The following CCDC158 variants were observed in gnomAD, a reference collection of about 807,000 sequenced individuals.
CCDC158 encodes the protein coiled-coil domain containing 158.
Under a neutral mutation model 138.6 loss-of-function variants are expected in CCDC158, and 116 were observed. The observed-to-expected ratio is 0.84, with a 90% CI of 0.72 to 0.98. CCDC158 has a LOEUF of 0.98. CCDC158 is among the 50% of genes least tolerant of loss of function. The pLI is 0.00. For missense variants in CCDC158, 1,265 were observed against 1,306.1 expected, an observed-to-expected ratio of 0.97 and a Z score of 0.48; for synonymous variants, 436 against 442.4, an observed-to-expected ratio of 0.99 and a Z score of 0.18.
At chr4:76,333,871 A>T in intron 19 of CCDC158, 139 bp downstream of exon 19, 1 of 507,806 alleles carries the variant, frequency 2.0e-6, no homozygotes, top group Non-Finnish European at 3.3e-6. Context: ...CTCCATTTTC[A>T]TATTATTTTC....
At chr4:76,375,467 T>G (rs1579014456) in intron 9 of CCDC158, 2 of 640,636 alleles carry the variant, frequency 3.1e-6, no homozygotes, top group Non-Finnish European at 2.8e-6. Context: ...TATGCAGAGG[T>G]TTGCACAGAA....
chr4:76,327,351 A>T (rs927851439), intron 22 of CCDC158, among the ~76,000 whole-genome samples: 4 of 152,300 alleles, frequency 2.6e-5, no homozygotes, highest in Admixed American at 2.6e-4. Context: ...ATATAGTTAC[A>T]ATTAACAATG....
chr4:76,405,093 G>C (rs1728711012), intron 2 of CCDC158, among the ~76,000 whole-genome samples: 1 of 152,120 alleles, frequency 6.6e-6, no homozygotes, highest in African/African-American at 2.4e-5. Flanking sequence ...ACATACACTA[G>C]TAATACAATA....
chr4:76,320,330 T>C (rs1719882163), intron 24 of CCDC158, among the ~76,000 whole-genome samples: 1 of 152,202 alleles, frequency 6.6e-6, no homozygotes, highest in Non-Finnish European at 1.5e-5. Context: ...TGCCCATGGA[T>C]GGGTAGAATC....
intron 18 of CCDC158, among the ~76,000 whole-genome samples, chr4:76,349,689 C>A (rs1722877018): frequency 6.6e-6 from 1 of 152,042 alleles, no homozygotes; most frequent in Non-Finnish European, 1.5e-5. Flanking sequence ...AATAAATAAA[C>A]AAATAAATAC....
At chr4:76,396,201 C>T (rs2109832014) in intron 4 of CCDC158, 68 bp downstream of exon 4, 7 of 1,117,880 alleles carry the variant, frequency 6.3e-6, no homozygotes, top group South Asian at 4.7e-5. Flanking sequence ...ACTGGCTTTA[C>T]AACTACATAC....
At chr4:76,372,765 T>C (rs1047052106) in intron 9 of CCDC158, among the ~76,000 whole-genome samples, 1 of 152,224 alleles carries the variant, frequency 6.6e-6, no homozygotes, top group Non-Finnish European at 1.5e-5. Context: ...GTGCATTTTA[T>C]TCTGACAAGG....
intron 15 of CCDC158, among the ~76,000 whole-genome samples, chr4:76,354,817 C>T (rs1426200421): frequency 6.6e-6 from 1 of 152,196 alleles, no homozygotes; most frequent in African/African-American, 2.4e-5. Flanking sequence ...TGCATATATA[C>T]TTAAGAAAAC....
In CCDC158 at chr4:76,355,440, G is replaced by GAA; in HGVS notation, c.2174-6_2174-5dup. On this transcript the variant is annotated splice_region_variant and splice_polypyrimidine_tract_variant and intron_variant, in intron 14 of 24. Transcript: ENST00000682701. Reference sequence around the variant, plus strand: ...ATCCCCATTGCCACTTTCATAGCTGGAAAAAAAAAAGAGGCAAACTATGCC... The same window carrying GAA: ...ATCCCCATTGCCACTTTCATAGCTGGAAAAAAAAAAAAGAGGCAAACTATGCC... The GAA allele has an allele frequency of 2.7e-5, 38 of 1,413,874 alleles. No individual in the cohort carries two copies. Among genetic ancestry groups the GAA allele is most frequent in the African/African-American group, 7.3e-5 (5 of 68,478 alleles). 87.6% of individuals were successfully genotyped at this position (1,413,874 alleles called of 1,614,324 possible).
chr4:76,362,155 GT>G lies in CCDC158; in HGVS notation c.1990del (p.Thr664GlnfsTer6), dbSNP rs760522019. ...AAGATTGTTTAATTCACTCCTACTT[GT>G]TTTCACCTCATTTAATAATTGATCT... is the stretch of plus-strand genomic sequence containing the variant. The part of the protein sequence containing the change: ...ERDQLLNEVK[T>X]SRSELNNLSE... On this transcript the variant is annotated frameshift_variant, in exon 13 of 25. Transcript: ENST00000682701. LOFTEE classifies it high-confidence loss of function. 1 of 1,613,852 alleles carries G rather than the reference GT, an allele frequency of 6.2e-7. No homozygotes were observed. The highest frequency in any genetic ancestry group is 8.5e-7 in the Non-Finnish European group (1 of 1,179,958).
rs757774340 is a variant in CCDC158, at chr4:76,367,784, T to A, written c.1348-8A>T. 2.4e-5 allele frequency: 38 copies of A among 1,588,676 alleles called. No individual in the cohort carries two copies. In the South Asian group the frequency reaches 4.3e-4, roughly 18 times the overall value. The stretch of plus-strand genomic sequence containing the variant: ...TCCTTGAATTGCTGCCATCTGATTG[T>A]TAAAGAAAAGAGAATTTCATAGATT... On this transcript the variant is annotated splice_region_variant and splice_polypyrimidine_tract_variant and intron_variant, in intron 11 of 24. Coordinates refer to ENST00000682701, the MANE Select transcript of CCDC158 (RefSeq NM_001394954.1).
chr4:76,390,206 G>A (rs1387240939), intron 4 of CCDC158, among the ~76,000 whole-genome samples: 1 of 152,072 alleles, frequency 6.6e-6, no homozygotes, highest in Admixed American at 6.6e-5. Flanking sequence ...AATAGTGGGG[G>A]CACAAAGTCA....
rs556476386 is a variant in CCDC158, at chr4:76,353,780, A to T, written c.2287-499T>A. On this transcript the variant is annotated intron_variant, in intron 15 of 24. Coordinates refer to ENST00000682701, the MANE Select transcript of CCDC158 (RefSeq NM_001394954.1). ...TGCGCTCAAGTCACTTAACAGCCCA[A>T]TGATGACAGTGAGCTTACTGATACA... Among the ~76,000 whole-genome samples the T allele has an allele frequency of 5.3e-5, 8 of 152,336 alleles. No individual in the cohort carries two copies. The South Asian group carries it at 1.7e-3, about 32-fold the overall frequency.
At chr4:76,377,885 T>C (rs1033024549) in intron 9 of CCDC158, among the ~76,000 whole-genome samples, 1 of 152,200 alleles carries the variant, frequency 6.6e-6, no homozygotes, top group Non-Finnish European at 1.5e-5. Flanking sequence ...ATCAATTTAG[T>C]GAGCTTCAAA....
At chr4:76,334,212 T>C in intron 18 of CCDC158, 45 bp from the exon 19 acceptor site, 1 of 1,457,984 alleles carries the variant, frequency 6.9e-7, no homozygotes, top group Non-Finnish European at 9.2e-7. Flanking sequence ...TTCAGATTTC[T>C]ATGCTATTTC....
chr4:76,378,519 A>T (rs1396825920), intron 9 of CCDC158, among the ~76,000 whole-genome samples: 1 of 152,170 alleles, frequency 6.6e-6, no homozygotes, highest in Non-Finnish European at 1.5e-5. Context: ...TGGAGATGAG[A>T]GGTAGCATTC....
At chr4:76,410,659 A>G (rs571270185) in intron 2 of CCDC158, among the ~76,000 whole-genome samples, 1 of 152,226 alleles carries the variant, frequency 6.6e-6, no homozygotes, top group Non-Finnish European at 1.5e-5. Context: ...GTCTGCAGGT[A>G]TGTTTTCCTT....
At chr4:76,337,151 TGG>T (rs1721591511) in intron 18 of CCDC158, among the ~76,000 whole-genome samples, 1 of 151,922 alleles carries the variant, frequency 6.6e-6, no homozygotes, top group Admixed American at 6.6e-5. Flanking sequence ...CGGCTATTTT[TGG>T]GTTTTTTTGT....
intron 21 of CCDC158, among the ~76,000 whole-genome samples, chr4:76,329,824 A>T (rs999156013): frequency 6.6e-6 from 1 of 152,148 alleles, no homozygotes; most frequent in African/African-American, 2.4e-5. Context: ...GTCTCTCACA[A>T]GTGTACAGTG....
Sources: allele counts gnomAD v4.1 joint callset (sites outside exome capture counted in the v4.1 genomes callset), GRCh38; gene constraint gnomAD v4.1.1; transcripts MANE v1.5; gene names NCBI Gene and HGNC (gene_info 2026-07-23, HGNC 2026-07-21).